The following BLM variants were observed in gnomAD, a reference collection of about 807,000 sequenced individuals.
BLM encodes BLM RecQ like helicase.
Under a neutral mutation model 135.3 loss-of-function variants are expected in BLM, and 95 were observed. The observed-to-expected ratio is 0.70, with a 90% confidence interval of 0.59 to 0.83. The LOEUF (loss-of-function observed/expected upper bound fraction) is 0.83. Among genes scored for constraint, BLM ranks in the 40% least tolerant of loss-of-function variants. The pLI is 0.00. For synonymous variants in BLM, 520 were observed against 589.2 expected (o/e 0.88, Z 1.70); for missense variants, 1,518 against 1,663.9 (o/e 0.91, Z 1.53).
At chr15:90,780,996 G>A (rs1896604118) in intron 12 of BLM, among the ~76,000 whole-genome samples, 1 of 152,160 alleles carries the variant, frequency 6.6e-6, no homozygotes, top group Admixed American at 6.6e-5. Flanking sequence ...GGAAACCAAG[G>A]GATGTGAAAA....
At chr15:90,812,113 T>C (rs922889794) in intron 21 of BLM, among the ~76,000 whole-genome samples, 2 of 152,200 alleles carry the variant, frequency 1.3e-5, no homozygotes, top group Non-Finnish European at 2.9e-5. Context: ...GGGTTTTGTG[T>C]CCTCGTGGCT....
intron 12 of BLM, among the ~76,000 whole-genome samples, chr15:90,771,883 A>G (rs1896328065): frequency 6.6e-6 from 1 of 152,098 alleles, no homozygotes; most frequent in Admixed American, 6.6e-5. Flanking sequence ...ATATTTATTT[A>G]TTTATTTAGA....
In BLM at chr15:90,799,248, T is replaced by C. The variant is rs188649420; in HGVS notation, c.3358+911T>C. Among the ~76,000 whole-genome samples, 5 of 151,914 alleles carry C rather than the reference T, an allele frequency of 3.3e-5. No individual in the cohort carries two copies. The East Asian group carries it at 7.8e-4, about 24-fold the overall frequency. ...GGGTGATAGAAATAATTGAAAATAG[T>C]AGTTTGGGAGAGAGGGGAGAGAAGA... On this transcript the variant is annotated intron_variant, in intron 17 of 21. Coordinates refer to ENST00000355112, the MANE Select transcript of BLM (RefSeq NM_000057.4).
intron 16 of BLM, 128 bp from the exon 17 acceptor site, chr15:90,798,062 G>A (rs189766262): frequency 9.3e-5 from 66 of 712,234 alleles, no homozygotes; most frequent in Middle Eastern, 4.2e-4. Context: ...TGAAATTTCC[G>A]TAGGTTTTGG....
Position 90,773,763 on chromosome 15 carries a change from G to A in BLM, c.2555+4177G>A, listed in dbSNP as rs544737955. Among the ~76,000 whole-genome samples, 35 of 152,184 alleles carry A rather than the reference G, an allele frequency of 2.3e-4. No homozygotes were observed. The South Asian group carries it at 6.8e-3, about 30-fold the overall frequency. ...CCTTTTGTGACTGACTTCTTTCACTGAGCATGTTTTTAAGGTTCCTCCATG... is the reference window on the plus strand; with the variant it reads ...CCTTTTGTGACTGACTTCTTTCACTAAGCATGTTTTTAAGGTTCCTCCATG... On this transcript the variant is annotated intron_variant, in intron 12 of 21. Transcript: ENST00000355112.
intron 5 of BLM, among the ~76,000 whole-genome samples, chr15:90,756,206 T>G (rs1008838898): frequency 6.6e-6 from 1 of 151,746 alleles, no homozygotes; most frequent in Non-Finnish European, 1.5e-5. Flanking sequence ...CAGGATCAAG[T>G]GATTCTCCTG....
chr15:90,783,336 A>G (rs1311608539), intron 13 of BLM, among the ~76,000 whole-genome samples: 1 of 152,126 alleles, frequency 6.6e-6, no homozygotes. Context: ...CCACTTTTCC[A>G]TGGAGAATAT....
In BLM at chr15:90,804,369, C is replaced by G. The variant is rs199685140; in HGVS notation, c.3751+10C>G. On this transcript the variant is annotated intron_variant, in intron 19 of 21. Transcript: ENST00000355112. Reference sequence around the variant, plus strand: ...CTCAAGAAGCTTGCAGGTGGGTACACATGTATCCTTTGTTACGTGGCACAG... The same window carrying G: ...CTCAAGAAGCTTGCAGGTGGGTACAGATGTATCCTTTGTTACGTGGCACAG... The G allele has an allele frequency of 2.5e-6, 4 of 1,609,024 alleles. No homozygotes were observed. Among genetic ancestry groups the G allele is most frequent in the Non-Finnish European group, 3.4e-6 (4 of 1,175,370 alleles).
chr15:90,801,016 T>G (rs114665443), intron 17 of BLM, among the ~76,000 whole-genome samples: 23,362 of 151,854 alleles, frequency 0.15, 1,912 homozygotes, highest in Non-Finnish European at 0.19. Flanking sequence ...GGGACTGATG[T>G]TGTGCACCTG....
chr15:90,814,964 G>T (rs956023845), intron 21 of BLM, 138 bp from the exon 22 acceptor site: 1 of 794,190 alleles, frequency 1.3e-6, no homozygotes, highest in Non-Finnish European at 2.1e-6. Context: ...ACCTTACCTA[G>T]GGGGCTCGTA....
At chr15:90,790,946 A>C in intron 15 of BLM, 102 bp downstream of exon 15, 1 of 1,225,826 alleles carries the variant, frequency 8.2e-7, no homozygotes, top group Non-Finnish European at 1.2e-6. Context: ...TCCTTAAATA[A>C]TCGTAGAAAA....
Position 90,749,149 on chromosome 15 carries a change from C to A in BLM, c.99-218C>A, listed in dbSNP as rs536539858. ...TGAGAAATAAAGTAGTGGGAATGAC[C>A]TCTCAAAGCCAAATAATTAGCCTCT... On this transcript the variant is annotated intron_variant, in intron 2 of 21. Coordinates refer to ENST00000355112, the MANE Select transcript of BLM (RefSeq NM_000057.4). Among the ~76,000 whole-genome samples, 12 of 152,282 alleles carry A rather than the reference C, an allele frequency of 7.9e-5. No homozygotes were observed. The South Asian group carries it at 8.3e-4, about 11-fold the overall frequency.
Position 90,811,276 on chromosome 15 carries a change from G to A in BLM, c.3946G>A (p.Asp1316Asn), listed in dbSNP as rs779179608. ...CGGAAGAAGTGCCGCTGAGGAGCTC[G>A]ACGAGGAAATACCCGTATCTTCCCA... is the stretch of plus-strand genomic sequence containing the variant. The part of the protein sequence containing the change: ...GPGRSAAEEL[D>N]EEIPVSSHYF... The change falls in exon 21 of 22, where the codon GAC becomes AAC. Residue 1316 changes from aspartate to asparagine, a missense_variant. Asp to Asn is a conservative substitution (Grantham distance 23). Around this residue, in one of 5 missense-constraint regions of BLM, gnomAD observed 153 missense variants for 173.4 expected, o/e 0.88. Transcript: ENST00000355112. 8 of 1,614,140 alleles carry A rather than the reference G, an allele frequency of 5.0e-6. No homozygotes were observed. Among genetic ancestry groups the A allele is most frequent in the South Asian group, 1.1e-5 (1 of 91,080 alleles).
intron 19 of BLM, among the ~76,000 whole-genome samples, chr15:90,808,328 C>A (rs1897326339): frequency 6.6e-6 from 1 of 152,218 alleles, no homozygotes; most frequent in Non-Finnish European, 1.5e-5. Flanking sequence ...ACTCTTTGCT[C>A]AGCTCAAATA....
chr15:90,806,503 T>TC (rs1349791342), intron 19 of BLM, among the ~76,000 whole-genome samples: 1 of 117,298 alleles, frequency 8.5e-6, no homozygotes, highest in African/African-American at 3.1e-5. Flanking sequence ...AGAGCGAGAC[T>TC]CCATCTCAAA....
intron 1 of BLM, among the ~76,000 whole-genome samples, chr15:90,740,667 C>A (rs1200177479): frequency 6.6e-6 from 1 of 152,180 alleles, no homozygotes; most frequent in Admixed American, 6.5e-5. Flanking sequence ...TCATCTTGAA[C>A]TGTGGCTCCC....
intron 1 of BLM, among the ~76,000 whole-genome samples, chr15:90,736,315 G>A (rs867182317): frequency 4.6e-5 from 7 of 152,072 alleles, no homozygotes; most frequent in Admixed American, 6.6e-5. Context: ...CCAGGCTGAA[G>A]TGCAGTAGTG....
rs749458622 is a variant in BLM, at chr15:90,794,327, T to C, written c.3180T>C (p.Asp1060=). 3 of 1,602,974 alleles carry C rather than the reference T, an allele frequency of 1.9e-6. No individual in the cohort carries two copies. In the Middle Eastern group the frequency reaches 5.0e-4, roughly 268 times the overall value. ...FNPDFCKKHP[D]VSCDNCCKTK... ...CTGATTTTTGTAAGAAACACCCAGA[T>C]GTTTCTTGTGATAATTGCTGTAAAA... Residue 1060 remains aspartate, a synonymous_variant, in exon 16 of 22, where the codon GAT becomes GAC. Transcript: ENST00000355112.
Position 90,794,202 on chromosome 15 carries a change from C to A in BLM, c.3055C>A (p.His1019Asn). 6.2e-7 allele frequency: 1 copy of A among 1,605,744 alleles called. No individual in the cohort carries two copies. Among genetic ancestry groups the A allele is most frequent in the South Asian group, 1.1e-5 (1 of 89,700 alleles). Reference protein sequence around the residue: ...KDGNHHTRETHFNNLYSMVHY... With the variant: ...KDGNHHTRETNFNNLYSMVHY... ...TGGAAACCATCATACAAGAGAAACTCACTTCAATAATTTGTATAGCATGGT... is the reference window on the plus strand; with the variant it reads ...TGGAAACCATCATACAAGAGAAACTAACTTCAATAATTTGTATAGCATGGT... The change falls in exon 16 of 22, where the codon CAC becomes AAC. Residue 1019 changes from histidine (H) to asparagine (N), a missense_variant. His to Asn is a moderately conservative substitution (Grantham distance 68). Around this residue, in one of 5 missense-constraint regions of BLM, gnomAD observed 626 missense variants for 681.1 expected, o/e 0.92. Coordinates refer to ENST00000355112, the MANE Select transcript of BLM (RefSeq NM_000057.4).
Sources: allele counts gnomAD v4.1 joint callset (sites outside exome capture counted in the v4.1 genomes callset), GRCh38; gene constraint gnomAD v4.1.1; regional missense constraint gnomAD v4.1.1; transcripts MANE v1.5; gene names NCBI Gene and HGNC (gene_info 2026-07-23, HGNC 2026-07-21).